Variants in PCDHGA4 observed in about 807,000 individuals in gnomAD.
PCDHGA4 encodes protocadherin gamma subfamily A, 4.
Under a neutral mutation model 54.6 loss-of-function variants are expected in PCDHGA4, and 38 were observed. The observed-to-expected ratio is 0.70, with a 90% confidence interval of 0.54 to 0.91. The LOEUF (loss-of-function observed/expected upper bound fraction) is 0.91. Ranked by LOEUF, PCDHGA4 falls within the 40% of genes least tolerant of loss-of-function variation. PCDHGA4 has a pLI of 0.00. For synonymous variants in PCDHGA4, 511 were observed against 512.9 expected (o/e 1.00, Z 0.05); for missense variants, 1,298 against 1,220.9 (o/e 1.06, Z -0.94).
At chr5:141,388,991 C>G in intron 1 of PCDHGA4, 1 of 1,613,976 alleles carries the variant, frequency 6.2e-7, no homozygotes. Flanking sequence ...TGCTCAAAGT[C>G]CGTGACAAGG....
At chr5:141,404,769 A>C (rs528627644) in intron 1 of PCDHGA4, 1 of 1,611,124 alleles carries the variant, frequency 6.2e-7, no homozygotes, top group South Asian at 1.1e-5. Context: ...TGGCTCTCCT[A>C]CCGCCTATTC....
chr5:141,486,730 T>G lies in PCDHGA4; in HGVS notation c.2515-8077T>G, dbSNP rs775081505. On this transcript the variant is annotated intron_variant, in intron 1 of 3. Coordinates refer to ENST00000571252, the MANE Select transcript of PCDHGA4 (RefSeq NM_018917.4). This position sits in a 1 kb window ranked among gnomAD's most constrained non-coding sequence, Gnocchi z 5.0. ...ACCCCCAGACAGGAGCTGTTCATGC[T>G]ACTCGATCCTTTGACTATGAGCAAA... is the stretch of plus-strand genomic sequence containing the variant. 6.2e-7 allele frequency: 1 copy of G among 1,614,238 alleles called. No individual in the cohort carries two copies. The highest frequency in any genetic ancestry group is 8.5e-7 in the Non-Finnish European group (1 of 1,180,042).
chr5:141,494,185 GAC>G (rs2099752607), intron 1 of PCDHGA4, among the ~76,000 whole-genome samples: 1 of 152,154 alleles, frequency 6.6e-6, no homozygotes, highest in Non-Finnish European at 1.5e-5. Context: ...AGTGTCCCGG[GAC>G]TTGGATGCCC....
intron 1 of PCDHGA4, chr5:141,399,577 TC>T (rs1393975550): frequency 6.2e-7 from 1 of 1,613,972 alleles, no homozygotes; most frequent in Non-Finnish European, 8.5e-7. Flanking sequence ...CGGCCAAGTC[TC>T]CTACTCTATC....
intron 1 of PCDHGA4, among the ~76,000 whole-genome samples, chr5:141,438,458 G>A (rs1462204360): frequency 6.6e-6 from 1 of 151,538 alleles, no homozygotes. Context: ...CAATGCTTGA[G>A]TTCAATTATT....
In PCDHGA4 at chr5:141,360,245, T is replaced by C. The variant is rs201518165; in HGVS notation, c.2514+2624T>C. On this transcript the variant is annotated intron_variant, in intron 1 of 3. Coordinates refer to ENST00000571252, the MANE Select transcript of PCDHGA4 (RefSeq NM_018917.4). ...CTCCCAGTCCAGATCCGCTATTCAA[T>C]TCCAGAGGAGCTGGCCAAAAACTCG... is the stretch of plus-strand genomic sequence containing the variant. 643 of 1,613,842 alleles carry C rather than the reference T, an allele frequency of 4.0e-4. 1 individual carries two copies. The highest frequency in any genetic ancestry group is 6.6e-4 in the Middle Eastern group (4 of 6,084).
chr5:141,418,875 A>G (rs2097697666), intron 1 of PCDHGA4: 1 of 1,613,926 alleles, frequency 6.2e-7, no homozygotes, highest in African/African-American at 1.3e-5. Flanking sequence ...GAAGTTGTAG[A>G]CGAAAACGAC....
In PCDHGA4 at chr5:141,434,786, T is replaced by A. The variant is rs867453805; in HGVS notation, c.2515-60021T>A. ...TTCACACTTCTAAAAAAAAAAAAAT[T>A]TTTTTTTCTGAGCTTGGAGAAATAT... On this transcript the variant is annotated intron_variant, in intron 1 of 3. Coordinates refer to ENST00000571252, the MANE Select transcript of PCDHGA4 (RefSeq NM_018917.4). 6.8e-4 allele frequency among the ~76,000 whole-genome samples: 102 copies of A among 150,682 alleles called. 1 individual carries two copies. The highest frequency in any genetic ancestry group is 1.8e-3 in the African/African-American group (72 of 40,898).
At chr5:141,507,786 G>A (rs536470814) in intron 3 of PCDHGA4, among the ~76,000 whole-genome samples, 3 of 152,292 alleles carry the variant, frequency 2.0e-5, no homozygotes, top group East Asian at 1.9e-4. Context: ...CCTGACCCTC[G>A]TCTAAGCCTG....
In PCDHGA4 at chr5:141,490,294, T is replaced by C. The variant is rs766906839; in HGVS notation, c.2515-4513T>C. ...CAATGACAATGCCCCAGAGGTGCTA[T>C]TGGCCTCTTTGGCCAACCCTGTCCT... On this transcript the variant is annotated intron_variant, in intron 1 of 3. Transcript: ENST00000571252. This position sits in a 1 kb window ranked among gnomAD's most constrained non-coding sequence, Gnocchi z 5.4. The C allele has an allele frequency of 5.6e-6, 9 of 1,614,104 alleles. No individual in the cohort carries two copies. The East Asian group carries it at 1.3e-4, about 24-fold the overall frequency.
chr5:141,407,703 G>A (rs1016806853), intron 1 of PCDHGA4, among the ~76,000 whole-genome samples: 26 of 152,096 alleles, frequency 1.7e-4, no homozygotes, highest in African/African-American at 6.3e-4. Flanking sequence ...ATTGTTGAAG[G>A]TGGGGTGATG....
At chr5:141,481,811 G>A (rs1050821120) in intron 1 of PCDHGA4, among the ~76,000 whole-genome samples, 1 of 151,892 alleles carries the variant, frequency 6.6e-6, no homozygotes. Context: ...AATTCACCAG[G>A]CGTGGTGGCT....
intron 1 of PCDHGA4, chr5:141,396,121 G>T: frequency 6.6e-6 from 1 of 152,188 alleles, no homozygotes. Context: ...AATGTTTCAG[G>T]TACACAAGTT....
At chr5:141,386,155 C>A (rs763846568) in intron 1 of PCDHGA4, among the ~76,000 whole-genome samples, 73 of 152,278 alleles carry the variant, frequency 4.8e-4, no homozygotes, top group Middle Eastern at 3.4e-3. Flanking sequence ...AACTGTCTCA[C>A]GTACTCAAAC....
At chr5:141,372,589 G>A in intron 1 of PCDHGA4, 1 of 1,614,030 alleles carries the variant, frequency 6.2e-7, no homozygotes, top group Non-Finnish European at 8.5e-7. Context: ...CCTGGTGTCT[G>A]CTTCAAGACT....
At chr5:141,389,733 C>A in intron 1 of PCDHGA4, 1 of 1,612,786 alleles carries the variant, frequency 6.2e-7, no homozygotes, top group Non-Finnish European at 8.5e-7. Flanking sequence ...GCTCTTCAGC[C>A]TGGGGCTGCG....
At chr5:141,418,369 C>G (rs763319499) in intron 1 of PCDHGA4, 62 of 1,613,842 alleles carry the variant, frequency 3.8e-5, no homozygotes, top group Non-Finnish European at 4.8e-5. Context: ...TGAGCAAATA[C>G]CAACTAAGTC....
Position 141,487,649 on chromosome 5 carries a change from G to T in PCDHGA4, c.2515-7158G>T. The T allele has an allele frequency of 1.2e-6, 2 of 1,614,020 alleles. No individual in the cohort carries two copies. The highest frequency in any genetic ancestry group is 1.7e-6 in the Non-Finnish European group (2 of 1,179,968). The stretch of plus-strand genomic sequence containing the variant: ...TTTGCAGGCTCAACAAATGCTTGAG[G>T]GTTATTCTGATCCAGGCATATGGCT... On this transcript the variant is annotated intron_variant, in intron 1 of 3. Coordinates refer to ENST00000571252, the MANE Select transcript of PCDHGA4 (RefSeq NM_018917.4). This position sits in a 1 kb window ranked among gnomAD's most constrained non-coding sequence, Gnocchi z 5.0.
intron 1 of PCDHGA4, among the ~76,000 whole-genome samples, chr5:141,461,233 G>T (rs2099011336): frequency 6.6e-6 from 1 of 152,028 alleles, no homozygotes; most frequent in East Asian, 1.9e-4. Context: ...CATAGAGGTT[G>T]TACTAATTTA....
Sources: gnomAD v4.1 joint callset for allele counts (sites outside exome capture counted in the v4.1 genomes callset) on GRCh38, gnomAD v4.1.1 for gene constraint, Gnocchi (gnomAD v3.1) non-coding constraint, MANE v1.5 for transcripts, NCBI Gene and HGNC (gene_info 2026-07-23, HGNC 2026-07-21) for gene names.